MTA3: variants seen among roughly 807,000 people sequenced by gnomAD.
MTA3 encodes metastasis associated 1 family member 3, also known as metastasis-associated protein MTA3.
A neutral mutation model predicts 83.5 loss-of-function variants in MTA3; 34 were observed. That is an observed-to-expected ratio of 0.41 (90% CI 0.31 to 0.54). The LOEUF (loss-of-function observed/expected upper bound fraction) is 0.54, where lower values mean the gene tolerates loss of function less well. MTA3 is among the 20% of genes least tolerant of loss of function. The pLI is 0.33. For synonymous variants in MTA3, 303 were observed against 252.7 expected, an observed-to-expected ratio of 1.20 and a Z score of -1.89; for missense variants, 761 against 726.4, an observed-to-expected ratio of 1.05 and a Z score of -0.55.
intron 5 of MTA3, among the ~76,000 whole-genome samples, chr2:42,642,292 C>T (rs1687765740): frequency 6.6e-6 from 1 of 151,986 alleles, no homozygotes; most frequent in African/African-American, 2.4e-5. Context: ...ATGGCAAGCT[C>T]CTGTTTTTAT....
At chr2:42,552,835 A>G (rs1429023188) in intron 2 of MTA3, among the ~76,000 whole-genome samples, 2 of 152,010 alleles carry the variant, frequency 1.3e-5, no homozygotes, top group Admixed American at 1.3e-4. Context: ...CTGTAGTCCC[A>G]GCTACTCGGG....
rs1017925231 is a variant in MTA3, at chr2:42,531,989, C to A, written c.-141+36735C>A. On this transcript the variant is annotated intron_variant, in intron 2 of 17. Coordinates refer to the MTA3 transcript ENST00000405592. The stretch of plus-strand genomic sequence containing the variant: ...GCTAGGATGGTCTCGATCTCCTGAC[C>A]TCATGATCTGCCCACCTCGGCCTCC... Among the ~76,000 whole-genome samples, 6 of 152,148 alleles carry A rather than the reference C, an allele frequency of 3.9e-5. No individual in the cohort carries two copies. In the East Asian group the frequency reaches 9.6e-4, roughly 24 times the overall value.
In MTA3 at chr2:42,574,854, T is replaced by TA. The variant is rs1344534530; in HGVS notation, c.97-4244dup. Among the ~76,000 whole-genome samples, 14 of 151,642 alleles carry TA rather than the reference T, an allele frequency of 9.2e-5. No individual in the cohort carries two copies. The South Asian group carries it at 2.7e-3, about 29-fold the overall frequency. On this transcript the variant is annotated intron_variant, in intron 2 of 16. Transcript: ENST00000405094. ...GATTACAGGCTGACTGCCTTTGCAT[T>TA]AAAAAAAAATTATTTAGTCTTTGAG...
In MTA3 at chr2:42,640,185, T is replaced by G; in HGVS notation, c.330T>G (p.Ser110Arg). 1 of 1,606,964 alleles carries G rather than the reference T, an allele frequency of 6.2e-7. No homozygotes were observed. The highest frequency in any genetic ancestry group is 8.5e-7 in the Non-Finnish European group (1 of 1,177,376). Residue 110 changes from serine (S) to arginine (R), a missense_variant, in exon 5 of 17, where the codon AGT becomes AGG. By Grantham distance (110) the Ser-to-Arg change is moderately radical. Transcript: ENST00000405094. ...LPATHIRGKCSVALLNETESV... is the reference protein window; with the variant it reads ...LPATHIRGKCRVALLNETESV... ...TCTTTTTCAACAGGGGAAAGTGCAG[T>G]GTTGCCCTTCTGAATGAGACAGAAT...
At chr2:42,625,991 G>A (rs1488814321) in intron 4 of MTA3, among the ~76,000 whole-genome samples, 3 of 143,114 alleles carry the variant, frequency 2.1e-5, no homozygotes, top group Non-Finnish European at 4.5e-5. Context: ...CGCCCAGGCT[G>A]GAGTGCAGTG....
At chr2:42,558,713 AT>A (rs894258388) in intron 2 of MTA3, among the ~76,000 whole-genome samples, 96 of 139,814 alleles carry the variant, frequency 6.9e-4, no homozygotes, top group East Asian at 1.2e-3. Context: ...ACGCCCCGCT[AT>A]TTTTTTTTTT....
chr2:42,662,138 A>G (rs935963873), intron 8 of MTA3, among the ~76,000 whole-genome samples: 4 of 152,126 alleles, frequency 2.6e-5, no homozygotes, highest in Admixed American at 6.5e-5. Flanking sequence ...ACTGCTTTCT[A>G]TTATTTCCAA....
intron 6 of MTA3, among the ~76,000 whole-genome samples, chr2:42,644,567 G>C (rs1687998365): frequency 6.6e-6 from 1 of 152,004 alleles, no homozygotes; most frequent in African/African-American, 2.4e-5. Context: ...AATGTACTTT[G>C]TTTTTACTGC....
At position 42,717,095 on chromosome 2, in the gene MTA3, G is replaced by A. The variant is rs142437787; in HGVS notation, c.1526-1893G>A. On this transcript the variant is annotated intron_variant, in intron 14 of 16. Coordinates refer to ENST00000405094, the MANE Select transcript of MTA3 (RefSeq NM_001330442.2). ...GAGAATTTTTAAAAAATGCTCTTTT[G>A]CCATCTTCGGTTTAATAATTTTCAG... is the stretch of plus-strand genomic sequence containing the variant. 1.4e-4 allele frequency among the ~76,000 whole-genome samples: 17 copies of A among 121,934 alleles called. No individual in the cohort carries two copies. The East Asian group carries it at 3.9e-3, about 28-fold the overall frequency. 80.0% of individuals were successfully genotyped at this position (121,934 alleles called of 152,430 possible). A position where few individuals can be genotyped will look rare whatever the true frequency, so the allele number is the denominator to read the frequency against.
At chr2:42,658,347 C>G (rs1250316307) in intron 7 of MTA3, among the ~76,000 whole-genome samples, 1 of 152,076 alleles carries the variant, frequency 6.6e-6, no homozygotes, top group East Asian at 1.9e-4. Context: ...ACCTTTGCAC[C>G]AAAAGATACG....
chr2:42,503,004 G>A (rs1674468570), intron 2 of MTA3, among the ~76,000 whole-genome samples: 1 of 151,736 alleles, frequency 6.6e-6, no homozygotes, highest in Non-Finnish European at 1.5e-5. Flanking sequence ...AAAAAGGAAA[G>A]GGGTCCTGAT....
chr2:42,590,159 C>T (rs1184910264), intron 3 of MTA3, among the ~76,000 whole-genome samples: 1 of 152,100 alleles, frequency 6.6e-6, no homozygotes, highest in Non-Finnish European at 1.5e-5. Flanking sequence ...CACTATAGCC[C>T]TTTTCCTGCG....
intron 2 of MTA3, among the ~76,000 whole-genome samples, chr2:42,518,192 A>T (rs999179229): frequency 2.0e-5 from 3 of 152,174 alleles, no homozygotes; most frequent in African/African-American, 7.2e-5. Context: ...AAAAAAAAGA[A>T]AATAAAAGAA....
At chr2:42,676,776 G>A (rs1297398834) in intron 8 of MTA3, among the ~76,000 whole-genome samples, 1 of 152,030 alleles carries the variant, frequency 6.6e-6, no homozygotes, top group African/African-American at 2.4e-5. Flanking sequence ...CAAAGAAAAA[G>A]ATAAATTATT....
At chr2:42,707,561 T>C (rs1337214248) in intron 12 of MTA3, among the ~76,000 whole-genome samples, 1 of 152,150 alleles carries the variant, frequency 6.6e-6, no homozygotes, top group East Asian at 1.9e-4. Context: ...ATTTTTTAAA[T>C]ACTACCATCT....
chr2:42,635,100 T>G (rs1687055344), intron 4 of MTA3, among the ~76,000 whole-genome samples: 2 of 152,236 alleles, frequency 1.3e-5, no homozygotes, highest in Admixed American at 1.3e-4. Context: ...ACATAGAATT[T>G]TGGTTTGGAA....
chr2:42,583,041 C>T (rs546877502), intron 3 of MTA3, among the ~76,000 whole-genome samples: 1 of 151,894 alleles, frequency 6.6e-6, no homozygotes, highest in Admixed American at 6.6e-5. Flanking sequence ...AGAGAAATTA[C>T]TTCATTTTGT....
At chr2:42,566,538 C>T (rs1020773885), upstream of MTA3, among the ~76,000 whole-genome samples, 1 of 152,146 alleles carries the variant, frequency 6.6e-6, no homozygotes, top group South Asian at 2.1e-4. Flanking sequence ...TCCTGCTAGT[C>T]CCCTTCAAGT....
Position 42,756,455 on chromosome 2 carries a change from T to C in MTA3, c.*3056T>C. 1.0e-6 allele frequency: 1 copy of C among 985,454 alleles called. No homozygotes were observed. The highest frequency in any genetic ancestry group is 5.2e-4 in the Middle Eastern group (1 of 1,916). The allele number at this position is 985,454 out of a possible 1,614,324, so 61.0% of individuals were successfully genotyped here. A position where few individuals can be genotyped will look rare whatever the true frequency, so the allele number is the denominator to read the frequency against. On this transcript the variant is annotated 3_prime_UTR_variant, in exon 17 of 17. Coordinates refer to ENST00000405094, the MANE Select transcript of MTA3 (RefSeq NM_001330442.2). ...TGCCACTCAGAGCAGAGCAGGGGGC[T>C]GAGGGCAAGCAGGTGGGGCTGTGCG...
Sources: gnomAD v4.1 joint callset for allele counts (sites outside exome capture counted in the v4.1 genomes callset) on GRCh38, gnomAD v4.1.1 for gene constraint, MANE v1.5 for transcripts, NCBI Gene and HGNC (gene_info 2026-07-23, HGNC 2026-07-21) for gene names.